EYS: variants seen among roughly 807,000 people sequenced by gnomAD.
EYS encodes EGF-like photoreceptor maintenance factor.
In EYS, 250 loss-of-function variants were observed where a neutral mutation model predicts 282.1. That is an observed-to-expected ratio of 0.89 (90% CI 0.80 to 0.98). EYS has a LOEUF of 0.98. Ranked by LOEUF, EYS falls within the 50% of genes least tolerant of loss-of-function variation. The pLI is 0.00. For missense variants in EYS, 4,016 were observed against 3,709.0 expected (o/e 1.08, Z -2.15); for synonymous variants, 1,355 against 1,282.9 (o/e 1.06, Z -1.20).
intron 5 of EYS, among the ~76,000 whole-genome samples, chr6:65,435,421 T>C (rs368984553): frequency 3.0e-5 from 3 of 100,302 alleles, no homozygotes; most frequent in East Asian, 8.3e-4. Context: ...ATACATATTA[T>C]TTAACAATAG....
chr6:64,448,904 G>C (rs544305063), intron 26 of EYS, among the ~76,000 whole-genome samples: 2 of 152,052 alleles, frequency 1.3e-5, no homozygotes, highest in Non-Finnish European at 2.9e-5. Flanking sequence ...CAAAGATGGG[G>C]AAAAAACAGA....
intron 7 of EYS, among the ~76,000 whole-genome samples, chr6:65,392,788 GAAA>G (rs980716408): frequency 4.7e-4 from 71 of 150,926 alleles, no homozygotes; most frequent in African/African-American, 1.6e-3. Context: ...TCTGGAACTA[GAAA>G]TACCATTTGA....
At chr6:63,746,503 C>T (rs533035846) in intron 41 of EYS, among the ~76,000 whole-genome samples, 3 of 152,300 alleles carry the variant, frequency 2.0e-5, no homozygotes, top group South Asian at 4.1e-4. Context: ...AGGAACAGTA[C>T]CAGCTCCTCT....
intron 1 of EYS, among the ~76,000 whole-genome samples, chr6:65,706,177 A>G (rs1375838085): frequency 6.6e-6 from 1 of 150,532 alleles, no homozygotes; most frequent in African/African-American, 2.5e-5. Flanking sequence ...CATATGATAT[A>G]GATGATATGA....
intron 31 of EYS, among the ~76,000 whole-genome samples, chr6:64,201,740 T>C (rs540974732): frequency 2.6e-4 from 40 of 152,342 alleles, no homozygotes; most frequent in Non-Finnish European, 5.1e-4. Context: ...GAAAAACTTC[T>C]GCATCTCAGA....
Position 65,073,308 on chromosome 6 carries a change from A to G in EYS, c.2024-15581T>C, listed in dbSNP as rs1490553493. On this transcript the variant is annotated intron_variant, in intron 12 of 42. Transcript: ENST00000503581. ...GAGAAAAATAGAAAATGTGAGTCAA[A>G]GATTTTACAGAGTAAAACTGACTTT... is the stretch of plus-strand genomic sequence containing the variant. Among the ~76,000 whole-genome samples, 3 of 151,886 alleles carry G rather than the reference A, an allele frequency of 2.0e-5. No homozygotes were observed. In the East Asian group the frequency reaches 5.8e-4, roughly 29 times the overall value.
At chr6:64,691,790 T>C (rs1770394205) in intron 22 of EYS, among the ~76,000 whole-genome samples, 1 of 152,242 alleles carries the variant, frequency 6.6e-6, no homozygotes. Context: ...CTTCTGGTTA[T>C]AGCCTCCAGC....
chr6:64,546,141 C>A (rs944596335), intron 26 of EYS, among the ~76,000 whole-genome samples: 2 of 152,224 alleles, frequency 1.3e-5, no homozygotes, highest in Admixed American at 6.5e-5. Flanking sequence ...GGTACAGTAA[C>A]CAAAACAGCA....
rs148664373 is a variant in EYS, at chr6:64,091,702, A to G, written c.6425-9700T>C. ...ATGTGATTGAAACTAGGTGCCAATT[A>G]ATTAATTCTTAAAATATATCACTTT... On this transcript the variant is annotated intron_variant, in intron 31 of 42. Coordinates refer to ENST00000503581, the MANE Select transcript of EYS (RefSeq NM_001142800.2). Among the ~76,000 whole-genome samples, 919 of 152,222 alleles carry G rather than the reference A, an allele frequency of 6.0e-3. 8 individuals are homozygous for G. Among genetic ancestry groups the G allele is most frequent in the African/African-American group, 0.021 (871 of 41,530 alleles).
chr6:63,863,675 C>CTTTTCTTTTCTTTTCT (rs1772597256), intron 36 of EYS, among the ~76,000 whole-genome samples: 10 of 60,050 alleles, frequency 1.7e-4, no homozygotes, highest in South Asian at 4.9e-4. Flanking sequence ...TTTCTTTTTT[C>CTTTTCTTTTCTTTTCT]TTTTTTTTTT....
intron 33 of EYS, among the ~76,000 whole-genome samples, chr6:64,018,048 G>C (rs561496781): frequency 6.6e-6 from 1 of 152,186 alleles, no homozygotes; most frequent in East Asian, 1.9e-4. Context: ...TGTCTTATGT[G>C]TAAACCTTGG....
rs554457467 is a variant in EYS, at chr6:65,078,351, T to G, written c.2024-20624A>C. 6.6e-5 allele frequency among the ~76,000 whole-genome samples: 10 copies of G among 152,266 alleles called. No homozygotes were observed. The South Asian group carries it at 2.1e-3, about 32-fold the overall frequency. ...AATGATTTATTTGTTAAACTATTTTTCTTAATCTATGCCCTGCAGTTCAAT... is the reference window on the plus strand; with the variant it reads ...AATGATTTATTTGTTAAACTATTTTGCTTAATCTATGCCCTGCAGTTCAAT... On this transcript the variant is annotated intron_variant, in intron 12 of 42. Coordinates refer to ENST00000503581, the MANE Select transcript of EYS (RefSeq NM_001142800.2).
At chr6:63,913,745 G>A (rs1162903836) in intron 35 of EYS, among the ~76,000 whole-genome samples, 1 of 152,018 alleles carries the variant, frequency 6.6e-6, no homozygotes, top group East Asian at 1.9e-4. Flanking sequence ...TGGACCTTTG[G>A]GTTTACACCT....
chr6:65,312,470 T>C (rs554505301), intron 11 of EYS, among the ~76,000 whole-genome samples: 21 of 152,240 alleles, frequency 1.4e-4, no homozygotes, highest in South Asian at 4.1e-4. Context: ...TTGTATTCTT[T>C]TTCTTAAATA....
chr6:64,906,674 GC>G (rs1471168990), intron 16 of EYS, among the ~76,000 whole-genome samples: 5 of 152,152 alleles, frequency 3.3e-5, no homozygotes, highest in African/African-American at 4.8e-5. Flanking sequence ...TGCTCTCACT[GC>G]AGCTCCTTGT....
intron 26 of EYS, among the ~76,000 whole-genome samples, chr6:64,450,389 A>T (rs753928275): frequency 3.7e-4 from 57 of 152,150 alleles, no homozygotes; most frequent in African/African-American, 1.1e-3. Context: ...AGAGACTTAG[A>T]CTCCCACACA....
intron 33 of EYS, among the ~76,000 whole-genome samples, chr6:64,061,603 T>C (rs950934761): frequency 6.6e-6 from 1 of 151,706 alleles, no homozygotes; most frequent in African/African-American, 2.4e-5. Context: ...GAGGAAGTAC[T>C]GGCTAATAAC....
chr6:64,980,239 A>G (rs1395071205), intron 14 of EYS, among the ~76,000 whole-genome samples: 1 of 151,586 alleles, frequency 6.6e-6, no homozygotes, highest in African/African-American at 2.4e-5. Flanking sequence ...CATTATGAAG[A>G]AATGATCTCA....
intron 22 of EYS, among the ~76,000 whole-genome samples, chr6:64,628,165 G>C (rs965426352): frequency 6.6e-6 from 1 of 151,900 alleles, no homozygotes; most frequent in African/African-American, 2.4e-5. Flanking sequence ...TTTGTACTGT[G>C]AAGATGACAT....
Sources: allele counts gnomAD v4.1 joint callset (sites outside exome capture counted in the v4.1 genomes callset), GRCh38; gene constraint gnomAD v4.1.1; transcripts MANE v1.5; gene names NCBI Gene and HGNC (gene_info 2026-07-23, HGNC 2026-07-21).